Variants in TCF7 observed in about 807,000 individuals in gnomAD.
TCF7 encodes the protein transcription factor 7, also known as T-cell-factor-7.
A neutral mutation model predicts 46.8 loss-of-function variants in TCF7; 19 were observed. The ratio of observed to expected loss-of-function variants is 0.41; its 90% CI spans 0.28 to 0.60. The LOEUF (loss-of-function observed/expected upper bound fraction) is 0.60, where lower values mean the gene tolerates loss of function less well. TCF7 is among the 20% of genes least tolerant of loss of function. TCF7 has a pLI of 0.35. For synonymous variants in TCF7, 245 were observed against 213.4 expected (o/e 1.15, Z -1.29); for missense variants, 547 against 504.6 (o/e 1.08, Z -0.81).
Position 134,147,080 on chromosome 5 carries a change from C to T in TCF7, c.*777C>T, listed in dbSNP as rs1413388647. 3 of 156,986 alleles carry T rather than the reference C, an allele frequency of 1.9e-5. No homozygotes were observed. The highest frequency in any genetic ancestry group is 4.8e-5 in the African/African-American group (2 of 41,488). The allele number at this position is 156,986 out of a possible 1,614,324, so 9.7% of individuals were successfully genotyped here. A position where few individuals can be genotyped will look rare whatever the true frequency, so the allele number is the denominator to read the frequency against. On this transcript the variant is annotated 3_prime_UTR_variant, in exon 10 of 10. Transcript: ENST00000342854. Reference sequence around the variant, plus strand: ...TCATAAGTTGGACCAGAGGAAGCCCCTTACTATGATCTCAGGAGCTTGCAA... The same window carrying T: ...TCATAAGTTGGACCAGAGGAAGCCCTTTACTATGATCTCAGGAGCTTGCAA...
chr5:134,109,262 T>A, the TCF7 span, among the ~76,000 whole-genome samples: 1 of 152,184 alleles, frequency 6.6e-6, no homozygotes, highest in Non-Finnish European at 1.5e-5. Flanking sequence ...ATTGAATAGT[T>A]CTTTCTCAAT....
At chr5:134,127,677 C>A (rs1429266407) in intron 3 of TCF7, among the ~76,000 whole-genome samples, 1 of 152,234 alleles carries the variant, frequency 6.6e-6, no homozygotes, top group African/African-American at 2.4e-5. Context: ...CCGCTGCCAG[C>A]CCCACTGGGG....
intron 3 of TCF7, among the ~76,000 whole-genome samples, chr5:134,131,490 G>T (rs1758120195): frequency 6.6e-6 from 1 of 151,850 alleles, no homozygotes; most frequent in South Asian, 2.1e-4. Flanking sequence ...TTCCTTCCAT[G>T]GGCTTTTCCC....
intron 3 of TCF7, among the ~76,000 whole-genome samples, chr5:134,136,165 G>T (rs1295436144): frequency 6.6e-6 from 1 of 152,160 alleles, no homozygotes; most frequent in Non-Finnish European, 1.5e-5. Flanking sequence ...GTAGCTGGGG[G>T]AGGATTTAGA....
intron 8 of TCF7, 56 bp downstream of exon 8, chr5:134,143,156 G>A: frequency 6.6e-7 from 1 of 1,514,118 alleles, no homozygotes; most frequent in South Asian, 1.2e-5. Flanking sequence ...GAGATACCAT[G>A]CCCCAGGCCA....
At chr5:134,144,607 T>A in intron 9 of TCF7, 1 of 586,126 alleles carries the variant, frequency 1.7e-6, no homozygotes, top group Non-Finnish European at 3.1e-6. Flanking sequence ...TTTCCTGATA[T>A]CTTGGCTCTG....
chr5:134,139,172 C>A, intron 5 of TCF7, 134 bp downstream of exon 5: 1 of 1,389,492 alleles, frequency 7.2e-7, no homozygotes. Flanking sequence ...AGGGGCTGGC[C>A]AGCAACTCTG....
intron 9 of TCF7, chr5:134,145,444 CAT>C (rs1760555261): frequency 1.8e-6 from 1 of 564,344 alleles, no homozygotes; most frequent in Non-Finnish European, 3.3e-6. Context: ...GGAAAGGGCT[CAT>C]GTGTTTCACC....
chr5:134,114,147 T>C (rs1159560084), upstream of TCF7, among the ~76,000 whole-genome samples: 1 of 152,210 alleles, frequency 6.6e-6, no homozygotes, highest in Non-Finnish European at 1.5e-5. Context: ...TCGCACTGTA[T>C]GCAGGCGGCC....
Position 134,121,132 on chromosome 5 carries a change from A to T in TCF7, c.441+5099A>T, listed in dbSNP as rs1050728316. On this transcript the variant is annotated intron_variant, in intron 3 of 9. Coordinates refer to ENST00000342854, the MANE Select transcript of TCF7 (RefSeq NM_003202.5). ...AGGATTCTTAGGAGGGGAAAGTGCT[A>T]TCCCTGGGGCCAGGCAGGGAGCCAC... Among the ~76,000 whole-genome samples the T allele has an allele frequency of 2.0e-5, 3 of 152,182 alleles. No individual in the cohort carries two copies. The East Asian group carries it at 5.8e-4, about 29-fold the overall frequency.
chr5:134,124,664 A>ACCC (rs150216595), intron 3 of TCF7, among the ~76,000 whole-genome samples: 6 of 150,898 alleles, frequency 4.0e-5, no homozygotes, highest in African/African-American at 7.3e-5. Flanking sequence ...CTTCCTCCTA[A>ACCC]CCCCCCCGCC....
chr5:134,120,414 G>T (rs1400222662), intron 3 of TCF7, among the ~76,000 whole-genome samples: 3 of 152,124 alleles, frequency 2.0e-5, no homozygotes, highest in Non-Finnish European at 4.4e-5. Context: ...CATTGCTCTT[G>T]CAGTGAAGTC....
chr5:134,116,091 G>C, intron 3 of TCF7, 58 bp downstream of exon 3: 1 of 1,549,884 alleles, frequency 6.5e-7, no homozygotes. Context: ...GACCAGGTAG[G>C]TGAGGCACCG....
At chr5:134,108,551 A>C in the TCF7 span, among the ~76,000 whole-genome samples, 1 of 152,224 alleles carries the variant, frequency 6.6e-6, no homozygotes, top group South Asian at 2.1e-4. Flanking sequence ...TGAATATGGA[A>C]TAAGAGGGTG....
chr5:134,114,505 G>C (rs530776793), upstream of TCF7, among the ~76,000 whole-genome samples: 4 of 152,250 alleles, frequency 2.6e-5, no homozygotes, highest in African/African-American at 7.2e-5. Flanking sequence ...TTCGGGAGAA[G>C]GGTGATCATT....
chr5:134,145,627 C>T (rs1760579568), intron 9 of TCF7: 1 of 1,110,960 alleles, frequency 9.0e-7, no homozygotes, highest in Non-Finnish European at 1.3e-6. Flanking sequence ...ACCCACCACA[C>T]TCCCTGTCCA....
At chr5:134,125,615 T>G (rs542898956) in intron 3 of TCF7, among the ~76,000 whole-genome samples, 1 of 152,198 alleles carries the variant, frequency 6.6e-6, no homozygotes, top group African/African-American at 2.4e-5. Context: ...TTCCCCAGGC[T>G]TGTCATGCCT....
At chr5:134,143,773 GGCCT>G in intron 9 of TCF7, 133 bp downstream of exon 9, 1 of 946,260 alleles carries the variant, frequency 1.1e-6, no homozygotes, top group Non-Finnish European at 1.6e-6. Flanking sequence ...ATGAAAACAA[GGCCT>G]GCATCTCACA....
At chr5:134,143,902 C>G in intron 9 of TCF7, 1 of 470,688 alleles carries the variant, frequency 2.1e-6, no homozygotes, top group Non-Finnish European at 3.8e-6. Context: ...TGCCTTGCAC[C>G]CACTACCTTT....
Sources: gnomAD v4.1 joint callset for allele counts (sites outside exome capture counted in the v4.1 genomes callset) on GRCh38, gnomAD v4.1.1 for gene constraint, MANE v1.5 for transcripts, NCBI Gene and HGNC (gene_info 2026-07-23, HGNC 2026-07-21) for gene names.